GON4L: variants seen among roughly 807,000 people sequenced by gnomAD.
GON4L encodes the protein gon-4 like.
Under a neutral mutation model 211.8 loss-of-function variants are expected in GON4L, and 87 were observed. The ratio of observed to expected loss-of-function variants is 0.41; its 90% CI spans 0.35 to 0.49. The LOEUF (loss-of-function observed/expected upper bound fraction) is 0.49. Among genes scored for constraint, GON4L ranks in the 20% least tolerant of loss-of-function variants. The pLI, the probability that GON4L is intolerant of heterozygous loss-of-function variation, is 0.15. For synonymous variants in GON4L, 875 were observed against 962.6 expected (o/e 0.91, Z 1.68); for missense variants, 2,155 against 2,659.5 (o/e 0.81, Z 4.17).
chr1:155,788,485 T>C (rs772996997), intron 12 of GON4L, among the ~76,000 whole-genome samples: 1 of 152,020 alleles, frequency 6.6e-6, no homozygotes, highest in Non-Finnish European at 1.5e-5. Flanking sequence ...TTCTAACTCA[T>C]AGGTGGGAAC....
intron 21 of GON4L, chr1:155,764,314 C>T (rs1413496842): frequency 1.3e-5 from 2 of 156,270 alleles, no homozygotes; most frequent in Non-Finnish European, 2.8e-5. Flanking sequence ...GATGGAGTTT[C>T]TTCATGTTGG....
At chr1:155,798,320 G>A (rs1469133638) in intron 11 of GON4L, among the ~76,000 whole-genome samples, 1 of 149,594 alleles carries the variant, frequency 6.7e-6, no homozygotes, top group East Asian at 1.9e-4. Context: ...TATCAGTACA[G>A]ATTCTTTATT....
At chr1:155,748,597 C>G (rs554888588), downstream of GON4L, 373 of 1,613,146 alleles carry the variant, frequency 2.3e-4, no homozygotes, top group Admixed American at 3.0e-4. Flanking sequence ...TCTCTTCCTT[C>G]TCTTTAAGTG....
At chr1:155,745,538 G>A (rs375147741), downstream of GON4L, among the ~76,000 whole-genome samples, 1 of 152,246 alleles carries the variant, frequency 6.6e-6, no homozygotes, top group African/African-American at 2.4e-5. Context: ...CCGCGCCCTG[G>A]CGGCCCCAAG....
intron 2 of GON4L, among the ~76,000 whole-genome samples, chr1:155,836,344 G>A (rs1004006098): frequency 8.1e-5 from 12 of 148,712 alleles, no homozygotes; most frequent in Admixed American, 6.8e-4. Context: ...CGCCTCCCGG[G>A]TTCAAGCGAT....
chr1:155,820,470 TCTA>T (rs763034043), intron 6 of GON4L, 133 bp downstream of exon 6: 65 of 688,328 alleles, frequency 9.4e-5, no homozygotes, highest in Non-Finnish European at 1.6e-4. Flanking sequence ...TAGAAACAAT[TCTA>T]CTGTCTTTTA....
intron 14 of GON4L, among the ~76,000 whole-genome samples, chr1:155,781,310 T>C (rs1175030492): frequency 6.6e-6 from 1 of 150,960 alleles, no homozygotes; most frequent in Non-Finnish European, 1.5e-5. Context: ...GTCCGACTAA[T>C]TTTTTTTGCA....
chr1:155,755,407 C>G (rs755139924), intron 27 of GON4L, among the ~76,000 whole-genome samples: 1 of 151,990 alleles, frequency 6.6e-6, no homozygotes, highest in African/African-American at 2.4e-5. Flanking sequence ...GATAGGAATT[C>G]GCAATGTTAC....
intron 2 of GON4L, among the ~76,000 whole-genome samples, chr1:155,841,801 A>G (rs1310596319): frequency 1.3e-5 from 2 of 151,786 alleles, no homozygotes; most frequent in African/African-American, 4.8e-5. Flanking sequence ...GCCAAGGCAG[A>G]CAGATCACCT....
rs1216948704 is a variant in GON4L at position 155,750,497 on chromosome 1, A to T, written c.*87T>A. 7 of 1,118,574 alleles carry T rather than the reference A, an allele frequency of 6.3e-6. No homozygotes were observed. In the African/African-American group the frequency reaches 1.1e-4, roughly 17 times the overall value. 69.3% of individuals were successfully genotyped at this position (1,118,574 alleles called of 1,614,324 possible). ...TCTCCAGATCTGTAAACTGGGCTCA[A>T]GGACTGTACAAGCAGAGTACAACTA... On this transcript the variant is annotated 3_prime_UTR_variant, in exon 32 of 32. Coordinates refer to ENST00000368331, the MANE Select transcript of GON4L (RefSeq NM_001282860.2).
rs900279792 is a variant in GON4L, at chr1:155,828,614, T to G, written c.506-1586A>C. Among the ~76,000 whole-genome samples, 4 of 150,556 alleles carry G rather than the reference T, an allele frequency of 2.7e-5. No homozygotes were observed. The East Asian group carries it at 5.8e-4, about 22-fold the overall frequency. Reference sequence around the variant, plus strand: ...TTGAGGTCAGGAGTTTGAGACCAGCTTGGCCAACACGGCAAAACCCCGTCT... The same window carrying G: ...TTGAGGTCAGGAGTTTGAGACCAGCGTGGCCAACACGGCAAAACCCCGTCT... On this transcript the variant is annotated intron_variant, in intron 2 of 31. Coordinates refer to ENST00000368331, the MANE Select transcript of GON4L (RefSeq NM_001282860.2).
chr1:155,786,586 T>C (rs1664967149), intron 12 of GON4L, among the ~76,000 whole-genome samples: 1 of 152,018 alleles, frequency 6.6e-6, no homozygotes, highest in Admixed American at 6.6e-5. Flanking sequence ...CAGGACGCTG[T>C]CTTTGGATCT....
chr1:155,788,611 G>A (rs1665192268), intron 12 of GON4L, among the ~76,000 whole-genome samples: 1 of 152,088 alleles, frequency 6.6e-6, no homozygotes, highest in African/African-American at 2.4e-5. Context: ...CACAAAAATA[G>A]ATAATCTGTA....
At chr1:155,764,822 T>G in intron 21 of GON4L, 178 bp downstream of exon 21, 2 of 1,481,368 alleles carry the variant, frequency 1.4e-6, no homozygotes, top group Non-Finnish European at 1.9e-6. Flanking sequence ...AAGTAAAATT[T>G]CATCCTTTCC....
intron 14 of GON4L, 142 bp from the exon 15 acceptor site, chr1:155,777,962 TC>T: frequency 2.8e-6 from 2 of 701,902 alleles, no homozygotes; most frequent in Non-Finnish European, 5.2e-6. Flanking sequence ...ACAGTCAAAC[TC>T]TCAGCCTTTT....
chr1:155,763,063 G>A (rs965573224), intron 22 of GON4L, among the ~76,000 whole-genome samples: 4 of 151,784 alleles, frequency 2.6e-5, no homozygotes, highest in Non-Finnish European at 5.9e-5. Flanking sequence ...ATAAAAAAAA[G>A]AAAGAAAGTG....
intron 12 of GON4L, among the ~76,000 whole-genome samples, chr1:155,786,699 G>A (rs1021154230): frequency 2.0e-5 from 3 of 152,082 alleles, no homozygotes; most frequent in African/African-American, 4.8e-5. Context: ...TCCAACAGAC[G>A]GAAAATTCAA....
Position 155,773,066 on chromosome 1 carries a change from T to C in GON4L, c.2495A>G (p.Asn832Ser). The change falls in exon 18 of 32, where the codon AAT becomes AGT. Residue 832 changes from asparagine to serine, a missense_variant and splice_region_variant. Transcript: ENST00000368331. ...TTGATCCCCCAGAGTAAACACTTACTTGTCCTCAGCCTTGGTGAAGACGAT... is the reference window on the plus strand; with the variant it reads ...TTGATCCCCCAGAGTAAACACTTACCTGTCCTCAGCCTTGGTGAAGACGAT... ...DKIVFTKAED[N>S]LLALGLKHFE... The C allele has an allele frequency of 1.2e-6, 2 of 1,612,012 alleles. No individual in the cohort carries two copies. Among genetic ancestry groups the C allele is most frequent in the Non-Finnish European group, 1.7e-6 (2 of 1,179,804 alleles).
chr1:155,807,060 T>C (rs915856105), intron 10 of GON4L, among the ~76,000 whole-genome samples: 7 of 149,828 alleles, frequency 4.7e-5, no homozygotes, highest in South Asian at 4.3e-4. Context: ...GATTGCACCA[T>C]TGTACTCCAA....
Sources: gnomAD v4.1 joint callset for allele counts (sites outside exome capture counted in the v4.1 genomes callset) on GRCh38, gnomAD v4.1.1 for gene constraint, MANE v1.5 for transcripts, NCBI Gene and HGNC (gene_info 2026-07-23, HGNC 2026-07-21) for gene names.